The following SNX8 variants were observed in gnomAD, a reference collection of about 807,000 sequenced individuals.
The protein encoded by SNX8 is sorting nexin 8, also known as sorting nexin-8.
Under a neutral mutation model 51.6 loss-of-function variants are expected in SNX8, and 25 were observed. The ratio of observed to expected loss-of-function variants is 0.48; its 90% CI spans 0.35 to 0.68. SNX8 has a LOEUF of 0.68. Among genes scored for constraint, SNX8 ranks in the 30% least tolerant of loss-of-function variants. The probability of loss-of-function intolerance (pLI) is 0.00; values close to 1 mark genes in which losing one functional copy is unlikely to be tolerated. For synonymous variants in SNX8, 324 were observed against 277.0 expected, an observed-to-expected ratio of 1.17 and a Z score of -1.68; for missense variants, 695 against 624.0, an observed-to-expected ratio of 1.11 and a Z score of -1.21.
chr7:2,263,634 C>T (rs1223274731), intron 6 of SNX8, among the ~76,000 whole-genome samples: 1 of 152,190 alleles, frequency 6.6e-6, no homozygotes, highest in Non-Finnish European at 1.5e-5. Flanking sequence ...CTGGGGCAAG[C>T]AGAGTCCCGG....
chr7:2,338,106 G>C (rs1254916818), intron 1 of SNX8, among the ~76,000 whole-genome samples: 1 of 151,964 alleles, frequency 6.6e-6, no homozygotes, highest in Non-Finnish European at 1.5e-5. Flanking sequence ...CAGGCAGATT[G>C]CCTGAGCTCA....
At position 2,257,448 on chromosome 7, in the gene SNX8, G is replaced by C. The variant is rs764285507; in HGVS notation, c.1051C>G (p.Leu351Val). 2.0e-5 allele frequency: 32 copies of C among 1,609,886 alleles called. No homozygotes were observed. The highest frequency in any genetic ancestry group is 3.4e-6 in the Non-Finnish European group (4 of 1,179,084). ...KHQRALHKYS[L>V]MKRQMMSATA... ...GCGCTCATCATCTGCCTCTTCATCA[G>C]GCTGTACTTGTGCAGGGCCCGCTGG... Residue 351 changes from leucine to valine, a missense_variant, in exon 9 of 11, where the codon CTG becomes GTG. Transcript: ENST00000222990.
chr7:2,342,589 G>A (rs1778952429), intron 1 of SNX8, among the ~76,000 whole-genome samples: 2 of 151,826 alleles, frequency 1.3e-5, no homozygotes, highest in Admixed American at 6.6e-5. Context: ...AGGAGGCAGA[G>A]GTTGCAGTGA....
chr7:2,335,793 A>G (rs1000140057), intron 1 of SNX8, among the ~76,000 whole-genome samples: 2 of 127,450 alleles, frequency 1.6e-5, no homozygotes, highest in Admixed American at 8.9e-5. Context: ...ACAGAGCGAG[A>G]CTCTGTCTCA....
At chr7:2,303,507 T>C (rs890193768) in intron 1 of SNX8, among the ~76,000 whole-genome samples, 2 of 152,220 alleles carry the variant, frequency 1.3e-5, no homozygotes, top group Non-Finnish European at 2.9e-5. Context: ...TTTTGTGGAA[T>C]AGAAGGGCGG....
chr7:2,334,473 G>A (rs944859363), intron 1 of SNX8, among the ~76,000 whole-genome samples: 5 of 151,930 alleles, frequency 3.3e-5, no homozygotes, highest in Admixed American at 2.0e-4. Flanking sequence ...CAAGGCGGGC[G>A]GATCACTTGA....
At chr7:2,315,331 C>G (rs1796736709), upstream of SNX8, among the ~76,000 whole-genome samples, 1 of 149,784 alleles carries the variant, frequency 6.7e-6, no homozygotes, top group Admixed American at 6.7e-5. Flanking sequence ...CACTCACCCA[C>G]TCACTCTCTG....
intron 10 of SNX8, among the ~76,000 whole-genome samples, chr7:2,256,613 C>T (rs1248772832): frequency 6.6e-6 from 1 of 152,248 alleles, no homozygotes; most frequent in East Asian, 1.9e-4. Context: ...CTTCTCAAAT[C>T]CCTCCAGGAG....
rs187441191 is a variant in SNX8, at chr7:2,263,616, G to T, written c.783-254C>A. The stretch of plus-strand genomic sequence containing the variant: ...CAGGTGACATGTGTGCACAGGTGAC[G>T]GGCACTGCTGGGGCAAGCAGAGTCC... On this transcript the variant is annotated intron_variant, in intron 6 of 10. Transcript: ENST00000222990. Among the ~76,000 whole-genome samples, 41 of 152,318 alleles carry T rather than the reference G, an allele frequency of 2.7e-4. No homozygotes were observed. The East Asian group carries it at 6.9e-3, about 26-fold the overall frequency.
intron 1 of SNX8, among the ~76,000 whole-genome samples, chr7:2,350,797 C>T (rs368527983): frequency 8.6e-5 from 13 of 152,028 alleles, no homozygotes; most frequent in South Asian, 2.1e-4. Flanking sequence ...CAGGCGCCTG[C>T]GGCCACACCC....
chr7:2,296,517 T>C (rs1401661118), intron 1 of SNX8, among the ~76,000 whole-genome samples: 2 of 152,144 alleles, frequency 1.3e-5, no homozygotes, highest in East Asian at 3.9e-4. Context: ...TATCATATCA[T>C]CAGCAAACAG....
intron 7 of SNX8, among the ~76,000 whole-genome samples, chr7:2,258,246 G>A (rs940361333): frequency 2.6e-5 from 4 of 152,162 alleles, no homozygotes; most frequent in Admixed American, 6.5e-5. Flanking sequence ...TTGATCTCCA[G>A]ACCTCGTGAT....
At chr7:2,303,009 G>T (rs1322780813) in intron 1 of SNX8, among the ~76,000 whole-genome samples, 1 of 151,966 alleles carries the variant, frequency 6.6e-6, no homozygotes, top group African/African-American at 2.4e-5. Context: ...CGGGACAGAG[G>T]TGGGGGTCAG....
chr7:2,279,817 G>GC (rs916557416), intron 1 of SNX8, among the ~76,000 whole-genome samples: 10 of 150,328 alleles, frequency 6.7e-5, no homozygotes, highest in African/African-American at 2.4e-4. Context: ...TCACGAATCA[G>GC]CAAGTACACC....
intron 1 of SNX8, among the ~76,000 whole-genome samples, chr7:2,302,013 CA>C: frequency 1.3e-5 from 2 of 152,128 alleles, no homozygotes; most frequent in Non-Finnish European, 2.9e-5. Context: ...GAGGCCGAGG[CA>C]GGCAGATCAC....
intron 1 of SNX8, among the ~76,000 whole-genome samples, chr7:2,341,785 A>G (rs908886402): frequency 9.9e-5 from 15 of 151,512 alleles, no homozygotes; most frequent in Admixed American, 7.9e-4. Flanking sequence ...TCAGGAGTTC[A>G]AGACCAGCCT....
chr7:2,264,272 C>A, intron 6 of SNX8, 26 bp downstream of exon 6: 1 of 1,598,588 alleles, frequency 6.3e-7, no homozygotes, highest in South Asian at 1.1e-5. Context: ...CGCGCGTGCC[C>A]CTGCAGAAGC....
At chr7:2,299,403 G>C (rs2115181802) in intron 1 of SNX8, 1 of 152,256 alleles carries the variant, frequency 6.6e-6, no homozygotes, top group South Asian at 2.1e-4. Context: ...AGCCAGCCAA[G>C]GACATCAGAG....
intron 3 of SNX8, among the ~76,000 whole-genome samples, chr7:2,274,641 A>G (rs999841676): frequency 6.6e-6 from 1 of 152,232 alleles, no homozygotes; most frequent in Non-Finnish European, 1.5e-5. Context: ...GATGCAGCTG[A>G]CATTTCCTAC....
Sources: allele counts gnomAD v4.1 joint callset (sites outside exome capture counted in the v4.1 genomes callset), GRCh38; gene constraint gnomAD v4.1.1; transcripts MANE v1.5; gene names NCBI Gene and HGNC (gene_info 2026-07-23, HGNC 2026-07-21).